LRCH3: variants seen among roughly 807,000 people sequenced by gnomAD.
LRCH3 encodes DISP complex protein LRCH3.
Under a neutral mutation model 104.5 loss-of-function variants are expected in LRCH3, and 68 were observed. The observed-to-expected ratio is 0.65, with a 90% confidence interval of 0.54 to 0.80. The LOEUF (loss-of-function observed/expected upper bound fraction) is 0.80. LRCH3 is among the 30% of genes least tolerant of loss of function. The pLI is 0.00. For missense variants in LRCH3, 951 were observed against 953.9 expected (o/e 1.00, Z 0.04); for synonymous variants, 344 against 361.3 (o/e 0.95, Z 0.54).
chr3:197,838,549 T>C (rs1737268493), intron 9 of LRCH3, among the ~76,000 whole-genome samples: 1 of 152,244 alleles, frequency 6.6e-6, no homozygotes, highest in African/African-American at 2.4e-5. Flanking sequence ...ATAACCATTT[T>C]GATGATTATT....
intron 1 of LRCH3, among the ~76,000 whole-genome samples, chr3:197,792,577 T>TTATGTATATATATATATATATATATATA (rs1352243221): frequency 5.9e-4 from 12 of 20,342 alleles, no homozygotes; most frequent in Non-Finnish European, 1.1e-3. Context: ...CCAGCTAATT[T>TTATGTATATATATATATATATATATATA]TATATATATA....
At chr3:197,813,780 C>T (rs1580607212) in intron 1 of LRCH3, among the ~76,000 whole-genome samples, 2 of 152,170 alleles carry the variant, frequency 1.3e-5, no homozygotes. Context: ...ATCCACCCGC[C>T]TCAGCCTCCC....
intron 10 of LRCH3, among the ~76,000 whole-genome samples, chr3:197,846,447 A>G (rs901670132): frequency 1.1e-4 from 17 of 150,980 alleles, no homozygotes; most frequent in South Asian, 2.1e-4. Flanking sequence ...CTGTAATCCA[A>G]TTACTTTAGG....
In LRCH3 at chr3:197,824,298, C is replaced by T. The variant is rs575375475; in HGVS notation, c.641-2580C>T. Among the ~76,000 whole-genome samples, 224 of 149,942 alleles carry T rather than the reference C, an allele frequency of 1.5e-3. 2 individuals carry two copies. The Middle Eastern group carries it at 0.039, about 26-fold the overall frequency. On this transcript the variant is annotated intron_variant, in intron 4 of 20. Coordinates refer to ENST00000425562, the MANE Select transcript of LRCH3 (RefSeq NM_001365715.1). ...CAGGCTGGTCTCGAACCCCTGACCT[C>T]GTGATCCACCCGCCTTGGCCTCCCA...
At chr3:197,798,349 T>C (rs1234837668) in intron 1 of LRCH3, among the ~76,000 whole-genome samples, 1 of 152,212 alleles carries the variant, frequency 6.6e-6, no homozygotes, top group African/African-American at 2.4e-5. Context: ...GATACTGTTT[T>C]ACACAAGGCA....
intron 1 of LRCH3, among the ~76,000 whole-genome samples, chr3:197,813,835 G>T (rs1417430617): frequency 6.6e-6 from 1 of 151,968 alleles, no homozygotes; most frequent in East Asian, 1.9e-4. Context: ...CTGGCCTGAG[G>T]CATGTAATTT....
intron 14 of LRCH3, among the ~76,000 whole-genome samples, chr3:197,855,136 TG>T (rs1560583629): frequency 6.6e-6 from 1 of 152,212 alleles, no homozygotes. Flanking sequence ...AGAGGTCTAG[TG>T]CCTACAGTGC....
chr3:197,845,294 C>T (rs1306061744), intron 10 of LRCH3, among the ~76,000 whole-genome samples: 2 of 151,432 alleles, frequency 1.3e-5, no homozygotes, highest in Non-Finnish European at 2.9e-5. Flanking sequence ...ACCTGTAGTT[C>T]CAGCTGCTTG....
chr3:197,865,583 C>A, intron 16 of LRCH3, 112 bp downstream of exon 16: 1 of 623,236 alleles, frequency 1.6e-6, no homozygotes, highest in Non-Finnish European at 2.5e-6. Flanking sequence ...CCAGGGTGGT[C>A]TCAAACTCCT....
rs1287874871 is a variant in LRCH3 at position 197,839,171 on chromosome 3, G to A, written c.1252-150G>A. 11 of 562,974 alleles carry A rather than the reference G, an allele frequency of 2.0e-5. No individual in the cohort carries two copies. The African/African-American group carries it at 2.2e-4, about 11-fold the overall frequency. 34.9% of individuals were successfully genotyped at this position (562,974 alleles called of 1,614,324 possible). On this transcript the variant is annotated intron_variant, in intron 9 of 20. Coordinates refer to ENST00000425562, the MANE Select transcript of LRCH3 (RefSeq NM_001365715.1). ...TTAAAGCAGCAGTATAGCATATGAT[G>A]CTTTTAAACTTAAAGTTTACATTTG...
At chr3:197,796,749 G>A (rs1369139783) in intron 1 of LRCH3, among the ~76,000 whole-genome samples, 1 of 152,148 alleles carries the variant, frequency 6.6e-6, no homozygotes, top group Non-Finnish European at 1.5e-5. Context: ...CAGCTAATAA[G>A]TGACAAAACT....
At chr3:197,873,126 G>A (rs1420936386) in intron 19 of LRCH3, among the ~76,000 whole-genome samples, 3 of 152,096 alleles carry the variant, frequency 2.0e-5, no homozygotes, top group African/African-American at 7.2e-5. Context: ...AAAAGAACAG[G>A]CTTTGGGTTG....
chr3:197,792,577 T>TTATATATTTATATA (rs1730667164), intron 1 of LRCH3, among the ~76,000 whole-genome samples: 1 of 20,330 alleles, frequency 4.9e-5, no homozygotes, highest in Admixed American at 8.8e-4. Context: ...CCAGCTAATT[T>TTATATATTTATATA]TATATATATA....
intron 20 of LRCH3, chr3:197,882,856 T>C: frequency 1.0e-6 from 1 of 985,354 alleles, no homozygotes. Flanking sequence ...ATTCAGGCTG[T>C]TAAATACCAG....
At chr3:197,857,452 A>G (rs1188297965) in intron 14 of LRCH3, among the ~76,000 whole-genome samples, 1 of 145,554 alleles carries the variant, frequency 6.9e-6, no homozygotes, top group Non-Finnish European at 1.5e-5. Flanking sequence ...ATCAGTTTAC[A>G]CTGACATTGT....
chr3:197,881,478 G>C, intron 20 of LRCH3: 1 of 985,456 alleles, frequency 1.0e-6, no homozygotes, highest in Non-Finnish European at 1.2e-6. Context: ...TGTTATGTGT[G>C]ACTGAGGTTC....
chr3:197,879,993 T>G (rs902952281), intron 20 of LRCH3, among the ~76,000 whole-genome samples: 22 of 150,974 alleles, frequency 1.5e-4, no homozygotes, highest in Admixed American at 5.3e-4. Context: ...TCACCCAGGC[T>G]GGAGTGCGGT....
Position 197,885,835 on chromosome 3 carries a change from CTT to C in LRCH3, c.*2172_*2173del, listed in dbSNP as rs1714157682. 6.6e-6 allele frequency: 1 copy of C among 152,192 alleles called. No homozygotes were observed. The highest frequency in any genetic ancestry group is 2.1e-4 in the South Asian group (1 of 4,834). The allele number at this position is 152,192 out of a possible 1,614,324, so 9.4% of individuals were successfully genotyped here. On this transcript the variant is annotated 3_prime_UTR_variant, in exon 21 of 21. Coordinates refer to ENST00000425562, the MANE Select transcript of LRCH3 (RefSeq NM_001365715.1). ...TAAATAAAGTAAGCGGAAGATATCTCTTTTGTTTCTGTAGTTGTTAACTGTTC... is the reference window on the plus strand; with the variant it reads ...TAAATAAAGTAAGCGGAAGATATCTCTTGTTTCTGTAGTTGTTAACTGTTC...
At chr3:197,826,651 C>T (rs775199588) in intron 4 of LRCH3, among the ~76,000 whole-genome samples, 31 of 152,070 alleles carry the variant, frequency 2.0e-4, no homozygotes, top group Non-Finnish European at 2.9e-4. Context: ...TAGTTCTGAG[C>T]GGGTCAAAGC....
Sources: allele counts gnomAD v4.1 joint callset (sites outside exome capture counted in the v4.1 genomes callset), GRCh38; gene constraint gnomAD v4.1.1; transcripts MANE v1.5; gene names NCBI Gene and HGNC (gene_info 2026-07-23, HGNC 2026-07-21).